The following PCDH19 variants were observed in gnomAD, a reference collection of about 807,000 sequenced individuals.
PCDH19 encodes protocadherin-19.
PCDH19 carries 6 observed loss-of-function variants against 46.2 expected under a neutral mutation model. The ratio of observed to expected loss-of-function variants is 0.13; its 90% confidence interval spans 0.07 to 0.26. The LOEUF is 0.26. Among genes scored for constraint, PCDH19 ranks in the 10% least tolerant of loss-of-function variants. PCDH19 has a pLI of 1.00. For missense variants in PCDH19, 740 were observed against 972.3 expected, an observed-to-expected ratio of 0.76 and a Z score of 3.18; for synonymous variants, 481 against 415.7, an observed-to-expected ratio of 1.16 and a Z score of -1.91.
At chrX:100,374,288 T>C (rs1927309946) in intron 3 of PCDH19, among the ~76,000 whole-genome samples, 1 of 112,466 alleles carries the variant, frequency 8.9e-6, no homozygotes. Context: ...CCCTGATAAT[T>C]ACCAGTCTAG....
chrX:100,408,671 C>A lies in PCDH19; in HGVS notation c.-74G>T. On this transcript the variant is annotated 5_prime_UTR_variant, in exon 1 of 6. Coordinates refer to ENST00000373034, the MANE Select transcript of PCDH19 (RefSeq NM_001184880.2). ...CCGACGCCGTCGGCGCTCCAGCTTC[C>A]CGCCGGCTCGGGCCGCCTGTTGCGC... 1.1e-6 allele frequency: 1 copy of A among 941,353 alleles called. No individual in the cohort carries two copies. The highest frequency in any genetic ancestry group is 1.5e-6 in the Non-Finnish European group (1 of 680,575). 77.6% of individuals were successfully genotyped at this position (941,353 alleles called of 1,213,427 possible).
At chrX:100,380,500 C>A (rs1927519596) in intron 3 of PCDH19, among the ~76,000 whole-genome samples, 1 of 111,481 alleles carries the variant, frequency 9.0e-6, no homozygotes, top group Admixed American at 9.6e-5. Flanking sequence ...TTATCTAGAA[C>A]AACACAAAGA....
chrX:100,316,402 G>C (rs1263686316), intron 5 of PCDH19, among the ~76,000 whole-genome samples: 1 of 112,183 alleles, frequency 8.9e-6, no homozygotes, highest in Non-Finnish European at 1.9e-5. Context: ...ACCATGTCTT[G>C]ACATTCATAT....
intron 3 of PCDH19, among the ~76,000 whole-genome samples, chrX:100,353,197 T>C (rs776986201): frequency 8.9e-6 from 1 of 111,830 alleles, no homozygotes; most frequent in African/African-American, 3.3e-5. Flanking sequence ...GCATGTTCCA[T>C]CTCATCTTTC....
chrX:100,380,423 G>C (rs1023003126), intron 3 of PCDH19, among the ~76,000 whole-genome samples: 6 of 111,083 alleles, frequency 5.4e-5, no homozygotes, highest in African/African-American at 2.0e-4. Context: ...TTATATTGTT[G>C]GTGTTTTGTC....
intron 5 of PCDH19, among the ~76,000 whole-genome samples, chrX:100,325,902 G>T (rs747419667): frequency 9.0e-6 from 1 of 111,727 alleles, no homozygotes; most frequent in South Asian, 3.8e-4. Flanking sequence ...GTCTCCCCAA[G>T]CCCTACTTTC....
At chrX:100,362,185 G>A (rs1171597876) in intron 3 of PCDH19, among the ~76,000 whole-genome samples, 3 of 110,857 alleles carry the variant, frequency 2.7e-5, no homozygotes, top group Non-Finnish European at 5.7e-5. Context: ...GCTCTCTCTT[G>A]GTCAATTTTT....
intron 5 of PCDH19, among the ~76,000 whole-genome samples, chrX:100,317,511 T>C (rs1225767583): frequency 6.5e-5 from 7 of 106,940 alleles, no homozygotes; most frequent in African/African-American, 1.7e-4. Flanking sequence ...CAGCAGCCAA[T>C]AAAAGTTCGG....
intron 5 of PCDH19, among the ~76,000 whole-genome samples, chrX:100,312,182 T>G (rs1354368743): frequency 9.1e-6 from 1 of 109,956 alleles, no homozygotes; most frequent in Non-Finnish European, 1.9e-5. Context: ...AGACTGATGA[T>G]GGAGACAAAG....
chrX:100,367,272 C>G (rs766761201), intron 3 of PCDH19, among the ~76,000 whole-genome samples: 1 of 112,019 alleles, frequency 8.9e-6, no homozygotes, highest in Non-Finnish European at 1.9e-5. Context: ...GAGATTAACC[C>G]GATTCCACTC....
chrX:100,314,814 C>G (rs1925244791), intron 5 of PCDH19, among the ~76,000 whole-genome samples: 1 of 111,883 alleles, frequency 8.9e-6, no homozygotes, highest in African/African-American at 3.2e-5. Flanking sequence ...TTCAATGAAC[C>G]TTTTATTCCA....
intron 5 of PCDH19, among the ~76,000 whole-genome samples, chrX:100,321,107 C>T (rs1602582093): frequency 8.9e-6 from 1 of 111,918 alleles, no homozygotes; most frequent in South Asian, 3.8e-4. Flanking sequence ...GCTGCAAATG[C>T]CGTTAATTTA....
chrX:100,375,241 T>C (rs1927337740), intron 3 of PCDH19, among the ~76,000 whole-genome samples: 1 of 111,838 alleles, frequency 8.9e-6, no homozygotes, highest in Non-Finnish European at 1.9e-5. Context: ...ACATTAGATA[T>C]ACCCCCTCCC....
rs587781107 is a variant in PCDH19, at chrX:100,296,373, A to G, written c.3351T>C (p.Asp1117=). ...TGACCTCATGCATGACTTTCTCGCT[A>G]TCAGCTCCACGGGGCTCAGCTTCAG... ...RPSEAEPRGA[D]SEKVMHEVSP... is the part of the protein sequence containing the mutation. Residue 1117 remains aspartate, a synonymous_variant, in exon 6 of 6, where the codon GAT becomes GAC. Transcript: ENST00000373034. The G allele has an allele frequency of 1.1e-5, 13 of 1,209,632 alleles. No individual in the cohort carries two copies. The highest frequency in any genetic ancestry group is 2.3e-4 in the Middle Eastern group (1 of 4,374).
intron 5 of PCDH19, among the ~76,000 whole-genome samples, chrX:100,333,023 A>AAAAAG (rs993067283): frequency 1.9e-5 from 2 of 104,808 alleles, no homozygotes; most frequent in African/African-American, 3.5e-5. Flanking sequence ...GAAAGAAAGA[A>AAAAAG]AAAAGAAAAG....
At chrX:100,396,501 A>G (rs966072852) in intron 3 of PCDH19, among the ~76,000 whole-genome samples, 6 of 111,934 alleles carry the variant, frequency 5.4e-5, no homozygotes, top group African/African-American at 1.6e-4. Context: ...TCCTGCCTCC[A>G]GCCCCTTGGG....
chrX:100,368,458 C>T (rs1043832980), intron 3 of PCDH19, among the ~76,000 whole-genome samples: 2 of 111,727 alleles, frequency 1.8e-5, no homozygotes, highest in Non-Finnish European at 3.8e-5. Context: ...GCAGAGAGAG[C>T]TTTCCTTTCA....
At chrX:100,362,210 G>A (rs1455396410) in intron 3 of PCDH19, among the ~76,000 whole-genome samples, 3 of 110,695 alleles carry the variant, frequency 2.7e-5, no homozygotes, top group Admixed American at 9.6e-5. Context: ...TATGTTTAGA[G>A]ACCCCTTTCT....
intron 5 of PCDH19, among the ~76,000 whole-genome samples, chrX:100,341,278 G>A (rs1048131867): frequency 2.7e-5 from 3 of 111,604 alleles, no homozygotes; most frequent in South Asian, 7.6e-4. Context: ...TCACATTAAC[G>A]GAATATTTTA....
Sources: gnomAD v4.1 joint callset for allele counts (sites outside exome capture counted in the v4.1 genomes callset) on GRCh38, gnomAD v4.1.1 for gene constraint, MANE v1.5 for transcripts, NCBI Gene and HGNC (gene_info 2026-07-23, HGNC 2026-07-21) for gene names.